Variants in ZFP91 observed in about 807,000 individuals in gnomAD.
The protein encoded by ZFP91 is E3 ubiquitin-protein ligase ZFP91.
A neutral mutation model predicts 63.5 loss-of-function variants in ZFP91; 7 were observed. The ratio of observed to expected loss-of-function variants is 0.11; its 90% confidence interval spans 0.06 to 0.21. ZFP91 has a LOEUF of 0.21. ZFP91 is among the 10% of genes least tolerant of loss of function. The pLI is 1.00. For missense variants in ZFP91, 628 were observed against 736.6 expected (o/e 0.85, Z 1.71); for synonymous variants, 330 against 272.1 (o/e 1.21, Z -2.10).
chr11:58,597,056 C>T (rs2134403208), intron 2 of ZFP91, among the ~76,000 whole-genome samples: 1 of 152,208 alleles, frequency 6.6e-6, no homozygotes, highest in South Asian at 2.1e-4. Context: ...GGGGCATTGT[C>T]CAATATCAAA....
chr11:58,610,592 T>C (rs924950821), intron 4 of ZFP91, among the ~76,000 whole-genome samples: 1 of 152,178 alleles, frequency 6.6e-6, no homozygotes, highest in Non-Finnish European at 1.5e-5. Context: ...ATGTGAAATA[T>C]GGGTGTTTTG....
At chr11:58,594,245 CTTCT>C (rs1234795709) in intron 2 of ZFP91, among the ~76,000 whole-genome samples, 1 of 152,088 alleles carries the variant, frequency 6.6e-6, no homozygotes, top group Non-Finnish European at 1.5e-5. Context: ...TCATGTTTAT[CTTCT>C]TTCTTTCAAT....
chr11:58,611,969 G>A (rs1390539092), intron 6 of ZFP91: 1 of 545,630 alleles, frequency 1.8e-6, no homozygotes, highest in East Asian at 3.0e-5. Context: ...TTTAATCTTA[G>A]TGTTTTTAGA....
Position 58,579,148 on chromosome 11 carries a change from A to AG in ZFP91, c.-128dup, listed in dbSNP as rs1158744796. 21 of 471,584 alleles carry AG rather than the reference A, an allele frequency of 4.5e-5. No homozygotes were observed. The highest frequency in any genetic ancestry group is 5.6e-5 in the Non-Finnish European group (20 of 354,486). The allele number at this position is 471,584 out of a possible 1,614,324, so 29.2% of individuals were successfully genotyped here. A position where few individuals can be genotyped will look rare whatever the true frequency, so the allele number is the denominator to read the frequency against. On this transcript the variant is annotated 5_prime_UTR_variant, in exon 1 of 11. Transcript: ENST00000316059. ...GCGCCCTCGGAGCCGGGCGGAGGGG[A>AG]GGGGGGAAAGAGGAGCGCAGGGTGA...
At chr11:58,591,313 G>A (rs1335493166) in intron 2 of ZFP91, among the ~76,000 whole-genome samples, 3 of 152,132 alleles carry the variant, frequency 2.0e-5, no homozygotes, top group Non-Finnish European at 4.4e-5. Flanking sequence ...TTTAGTTGTT[G>A]TATAGTGTCC....
intron 2 of ZFP91, among the ~76,000 whole-genome samples, chr11:58,599,719 T>C (rs1372150092): frequency 6.6e-6 from 1 of 152,080 alleles, no homozygotes; most frequent in Non-Finnish European, 1.5e-5. Flanking sequence ...CCAAAGACTT[T>C]ATATATTTTG....
intron 2 of ZFP91, among the ~76,000 whole-genome samples, chr11:58,587,754 C>G (rs1469042284): frequency 6.6e-6 from 1 of 152,080 alleles, no homozygotes; most frequent in Admixed American, 6.5e-5. Context: ...ACTTTCTAAC[C>G]TCTGACTAGA....
At chr11:58,599,163 T>C (rs1855453943) in intron 2 of ZFP91, among the ~76,000 whole-genome samples, 1 of 149,554 alleles carries the variant, frequency 6.7e-6, no homozygotes, top group Non-Finnish European at 1.5e-5. Flanking sequence ...GATAAAAATT[T>C]TCGTTGTATG....
rs766050822 is a variant in ZFP91 at position 58,617,355 on chromosome 11, T to C, written c.1362T>C (p.Pro454=). 4.3e-6 allele frequency: 7 copies of C among 1,613,886 alleles called. No homozygotes were observed. Among genetic ancestry groups the C allele is most frequent in the African/African-American group, 4.0e-5 (3 of 74,928 alleles). The change falls in exon 11 of 11, where the codon CCT becomes CCC. Residue 454 remains proline, a synonymous_variant. Transcript: ENST00000316059. This position sits in a 1 kb window ranked among gnomAD's most constrained non-coding sequence, Gnocchi z 4.2. The part of the protein sequence containing the change: ...SVVAHKAKSH[P]EVLIAEALAA... Reference sequence around the variant, plus strand: ...TGGCACACAAGGCAAAAAGCCACCCTGAGGTGCTGATTGCAGAAGCTCTGG... The same window carrying C: ...TGGCACACAAGGCAAAAAGCCACCCCGAGGTGCTGATTGCAGAAGCTCTGG...
rs930226434 is a variant in ZFP91 at position 58,621,191 on chromosome 11, G to T, written c.*3485G>T. 5.9e-5 allele frequency: 9 copies of T among 152,470 alleles called. No homozygotes were observed. The highest frequency in any genetic ancestry group is 4.6e-4 in the Admixed American group (7 of 15,264). The allele number at this position is 152,470 out of a possible 1,614,324, so 9.4% of individuals were successfully genotyped here. ...GTTGAGAATCAGGTGGTTAATTTTTGACTGTTCTTGATTTCTAATGCTGAA... is the reference window on the plus strand; with the variant it reads ...GTTGAGAATCAGGTGGTTAATTTTTTACTGTTCTTGATTTCTAATGCTGAA... On this transcript the variant is annotated 3_prime_UTR_variant, in exon 11 of 11. Transcript: ENST00000316059.
At chr11:58,587,055 C>T (rs1471622742) in intron 2 of ZFP91, among the ~76,000 whole-genome samples, 2 of 152,014 alleles carry the variant, frequency 1.3e-5, no homozygotes, top group Non-Finnish European at 2.9e-5. Flanking sequence ...AGGCAACTTT[C>T]CATTAATTTG....
intron 1 of ZFP91, among the ~76,000 whole-genome samples, chr11:58,583,192 T>G (rs934974090): frequency 1.3e-5 from 2 of 152,102 alleles, no homozygotes; most frequent in Non-Finnish European, 2.9e-5. Context: ...GTATAAGGCT[T>G]TTTTTCATTC....
chr11:58,604,496 G>C (rs1855539782), intron 2 of ZFP91, among the ~76,000 whole-genome samples: 2 of 152,194 alleles, frequency 1.3e-5, no homozygotes, highest in South Asian at 4.1e-4. Flanking sequence ...GTTGTTTTAA[G>C]ACATCCCAGT....
intron 1 of ZFP91, among the ~76,000 whole-genome samples, chr11:58,583,813 T>C (rs768521229): frequency 1.3e-5 from 2 of 152,068 alleles, no homozygotes; most frequent in African/African-American, 2.4e-5. Context: ...CTAAGTAGAA[T>C]AGATTTTTGT....
intron 6 of ZFP91, 74 bp from the exon 7 acceptor site, chr11:58,612,204 T>C: frequency 6.9e-7 from 1 of 1,440,590 alleles, no homozygotes; most frequent in Non-Finnish European, 9.7e-7. Flanking sequence ...TGTGTGTGTG[T>C]GTGTCTTCAG....
chr11:58,590,259 A>G (rs1376532785), intron 2 of ZFP91, among the ~76,000 whole-genome samples: 2 of 152,264 alleles, frequency 1.3e-5, no homozygotes, highest in Non-Finnish European at 2.9e-5. Context: ...TAAGTTCAAG[A>G]AAGAAGAAAT....
intron 2 of ZFP91, among the ~76,000 whole-genome samples, chr11:58,593,548 T>G (rs1855344942): frequency 6.6e-6 from 1 of 152,206 alleles, no homozygotes; most frequent in Non-Finnish European, 1.5e-5. Flanking sequence ...ATAAGCCAGA[T>G]GTTGGGGATA....
chr11:58,582,602 A>AT (rs1176526031), intron 1 of ZFP91, among the ~76,000 whole-genome samples: 1 of 152,208 alleles, frequency 6.6e-6, no homozygotes, highest in Non-Finnish European at 1.5e-5. Flanking sequence ...GGAAGGCAAA[A>AT]TAATAGAGTG....
At chr11:58,615,687 A>G (rs1214396117) in intron 9 of ZFP91, among the ~76,000 whole-genome samples, 1 of 152,204 alleles carries the variant, frequency 6.6e-6, no homozygotes, top group Non-Finnish European at 1.5e-5. Context: ...ATACAGACCA[A>G]CCAGCATTGA....
Sources: gnomAD v4.1 joint callset for allele counts (sites outside exome capture counted in the v4.1 genomes callset) on GRCh38, gnomAD v4.1.1 for gene constraint, Gnocchi (gnomAD v3.1) non-coding constraint, MANE v1.5 for transcripts, NCBI Gene and HGNC (gene_info 2026-07-23, HGNC 2026-07-21) for gene names.